Variants in MACROD2 observed in about 807,000 individuals in gnomAD.
MACROD2 encodes ADP-ribose glycohydrolase MACROD2.
In MACROD2, 36 loss-of-function variants were observed where a neutral mutation model predicts 70.4. The observed-to-expected ratio is 0.51, with a 90% CI of 0.39 to 0.68. The LOEUF (loss-of-function observed/expected upper bound fraction) is 0.68. Among genes scored for constraint, MACROD2 ranks in the 30% least tolerant of loss-of-function variants. The pLI, the probability that MACROD2 is intolerant of heterozygous loss-of-function variation, is 0.00. For missense variants in MACROD2, 496 were observed against 538.4 expected (o/e 0.92, Z 0.78); for synonymous variants, 172 against 178.8 (o/e 0.96, Z 0.30).
intron 15 of MACROD2, among the ~76,000 whole-genome samples, chr20:16,001,322 T>C (rs1287659268): frequency 2.0e-5 from 3 of 152,220 alleles, no homozygotes; most frequent in Non-Finnish European, 2.9e-5. Flanking sequence ...ACTTGCTGTT[T>C]GAATGTTTCA....
intron 2 of MACROD2, among the ~76,000 whole-genome samples, chr20:14,049,374 A>G (rs551530252): frequency 6.6e-6 from 1 of 151,994 alleles, no homozygotes; most frequent in East Asian, 1.9e-4. Flanking sequence ...AAGGAACTCT[A>G]TTTGTGTTAC....
Position 15,413,647 on chromosome 20 carries a change from A to T in MACROD2, c.541-17758A>T, listed in dbSNP as rs1403902443. ...TGGGATTTTAAAAAAATTGTAAGTT[A>T]TCTGGTGATTTATGGTTCAACCTGA... On this transcript the variant is annotated intron_variant, in intron 6 of 17. Transcript: ENST00000684519. Among the ~76,000 whole-genome samples the T allele has an allele frequency of 3.3e-5, 5 of 152,308 alleles. No homozygotes were observed. The East Asian group carries it at 9.7e-4, about 29-fold the overall frequency.
intron 3 of MACROD2, among the ~76,000 whole-genome samples, chr20:14,336,053 C>T (rs993911868): frequency 6.6e-6 from 1 of 152,038 alleles, no homozygotes; most frequent in Non-Finnish European, 1.5e-5. Context: ...TCATCTGTCA[C>T]TTTGGGTCAG....
intron 8 of MACROD2, among the ~76,000 whole-genome samples, chr20:15,853,232 T>G (rs2064319894): frequency 6.6e-6 from 1 of 152,110 alleles, no homozygotes; most frequent in Admixed American, 6.6e-5. Flanking sequence ...AACAAGCAAC[T>G]GATGTTTATG....
chr20:14,380,858 C>G (rs895650936), intron 3 of MACROD2, among the ~76,000 whole-genome samples: 1 of 152,104 alleles, frequency 6.6e-6, no homozygotes, highest in Non-Finnish European at 1.5e-5. Context: ...CAACCTTGTT[C>G]TTTTTCAAAA....
intron 8 of MACROD2, among the ~76,000 whole-genome samples, chr20:15,719,190 A>G (rs143651250): frequency 2.0e-3 from 298 of 152,304 alleles, no homozygotes; most frequent in Middle Eastern, 6.8e-3. Context: ...AAATTTATGG[A>G]TGATGATTTC....
At chr20:15,704,990 G>T (rs991689697) in intron 8 of MACROD2, among the ~76,000 whole-genome samples, 2 of 152,122 alleles carry the variant, frequency 1.3e-5, no homozygotes, top group African/African-American at 4.8e-5. Flanking sequence ...TGGAGTAGTT[G>T]CTCAATAAAT....
At chr20:15,232,317 T>C (rs2145986455) in intron 6 of MACROD2, among the ~76,000 whole-genome samples, 1 of 152,204 alleles carries the variant, frequency 6.6e-6, no homozygotes, top group South Asian at 2.1e-4. Context: ...ATAAAAAGCC[T>C]GGTTATTAGG....
At position 14,806,790 on chromosome 20, in the gene MACROD2, G is replaced by A. The variant is rs6042930; in HGVS notation, c.418+121831G>A. ...CATCATTACTGAGGCTTGAGTAGGC[G>A]GTTTTCCCCTTCACACTGTAAACAA... On this transcript the variant is annotated intron_variant, in intron 5 of 17. Transcript: ENST00000684519. Among the ~76,000 whole-genome samples, 1,065 of 152,170 alleles carry A rather than the reference G, an allele frequency of 7.0e-3. 12 individuals are homozygous for A. Among genetic ancestry groups the A allele is most frequent in the African/African-American group, 0.024 (1,008 of 41,524 alleles).
chr20:15,927,171 A>G (rs1321597060), intron 10 of MACROD2, among the ~76,000 whole-genome samples: 4 of 152,218 alleles, frequency 2.6e-5, no homozygotes, highest in Non-Finnish European at 4.4e-5. Flanking sequence ...GATAGATATC[A>G]TACTTCATCT....
chr20:15,199,349 C>A (rs1477589002), intron 5 of MACROD2, among the ~76,000 whole-genome samples: 5 of 151,902 alleles, frequency 3.3e-5, no homozygotes, highest in African/African-American at 1.2e-4. Context: ...AGAAAAAGAT[C>A]CTGTCTCAAA....
At chr20:14,590,329 C>T (rs541046093) in intron 4 of MACROD2, among the ~76,000 whole-genome samples, 4 of 152,278 alleles carry the variant, frequency 2.6e-5, no homozygotes, top group African/African-American at 9.6e-5. Context: ...TGTACTGTCA[C>T]TCATTTACCC....
At chr20:15,577,395 C>T (rs184824225) in intron 8 of MACROD2, among the ~76,000 whole-genome samples, 6 of 151,914 alleles carry the variant, frequency 3.9e-5, no homozygotes, top group African/African-American at 9.7e-5. Flanking sequence ...AATCCCAGTG[C>T]GTATGTACCT....
chr20:15,545,232 G>T (rs948546729), intron 8 of MACROD2, among the ~76,000 whole-genome samples: 1 of 152,188 alleles, frequency 6.6e-6, no homozygotes, highest in Non-Finnish European at 1.5e-5. Context: ...AAGACAGAAA[G>T]ACAAATAAAT....
rs6135101 is a variant in MACROD2 at position 14,241,104 on chromosome 20, A to G, written c.271+155376A>G. 7.1e-3 allele frequency among the ~76,000 whole-genome samples: 1,080 copies of G among 152,316 alleles called. 64 individuals are homozygous for G. The East Asian group carries it at 0.16, about 23-fold the overall frequency. ...GCACTTCAGCCTGGGTGACAGAGTG[A>G]GACTCCGTCTCAAAAAAAAAAAGTT... On this transcript the variant is annotated intron_variant, in intron 3 of 17. Transcript: ENST00000684519.
At chr20:14,315,667 G>A in intron 3 of MACROD2, among the ~76,000 whole-genome samples, 1 of 152,188 alleles carries the variant, frequency 6.6e-6, no homozygotes, top group Non-Finnish European at 1.5e-5. Context: ...GAAGCATATT[G>A]TGATTCATAG....
intron 8 of MACROD2, among the ~76,000 whole-genome samples, chr20:15,758,203 G>A (rs2051377106): frequency 6.7e-6 from 1 of 150,304 alleles, no homozygotes; most frequent in Non-Finnish European, 1.5e-5. Context: ...GGGTGTCTCA[G>A]AAAGACATTT....
At chr20:15,305,887 G>A (rs894265410) in intron 6 of MACROD2, among the ~76,000 whole-genome samples, 5 of 151,988 alleles carry the variant, frequency 3.3e-5, no homozygotes, top group African/African-American at 9.7e-5. Flanking sequence ...TCCCTTGTGT[G>A]CATTTAAAGA....
intron 8 of MACROD2, among the ~76,000 whole-genome samples, chr20:15,774,714 A>T (rs976086051): frequency 6.6e-6 from 1 of 152,122 alleles, no homozygotes; most frequent in African/African-American, 2.4e-5. Flanking sequence ...ACTATGAAAG[A>T]TCTGCTAGGA....
Sources: allele counts gnomAD v4.1 joint callset (sites outside exome capture counted in the v4.1 genomes callset), GRCh38; gene constraint gnomAD v4.1.1; transcripts MANE v1.5; gene names NCBI Gene and HGNC (gene_info 2026-07-23, HGNC 2026-07-21).